The following CTNND2 variants were observed in gnomAD, a reference collection of about 807,000 sequenced individuals.
CTNND2 encodes the protein catenin delta-2.
A neutral mutation model predicts 144.4 loss-of-function variants in CTNND2; 22 were observed. That is an observed-to-expected ratio of 0.15 (90% CI 0.11 to 0.22). The LOEUF is 0.22. Ranked by LOEUF, CTNND2 falls within the 10% of genes least tolerant of loss-of-function variation. CTNND2 has a pLI of 1.00. For missense variants in CTNND2, 1,353 were observed against 1,618.8 expected (o/e 0.84, Z 2.82); for synonymous variants, 751 against 695.6 (o/e 1.08, Z -1.25).
chr5:11,433,208 T>G (rs888561851), intron 3 of CTNND2, among the ~76,000 whole-genome samples: 2 of 138,846 alleles, frequency 1.4e-5, no homozygotes, highest in African/African-American at 6.8e-5. Context: ...ATCACGCCAC[T>G]GCACTCCAGC....
At chr5:11,449,151 T>C (rs1260642600) in intron 3 of CTNND2, among the ~76,000 whole-genome samples, 1 of 152,230 alleles carries the variant, frequency 6.6e-6, no homozygotes, top group African/African-American at 2.4e-5. Flanking sequence ...TTATTTTTCT[T>C]GCTAATTATG....
intron 3 of CTNND2, among the ~76,000 whole-genome samples, chr5:11,560,285 A>G (rs990859115): frequency 1.3e-5 from 2 of 152,190 alleles, no homozygotes; most frequent in Non-Finnish European, 2.9e-5. Context: ...GGAGCAGTCC[A>G]TAGATAGATC....
At chr5:11,861,421 C>T (rs1795498992) in intron 1 of CTNND2, among the ~76,000 whole-genome samples, 1 of 152,202 alleles carries the variant, frequency 6.6e-6, no homozygotes, top group South Asian at 2.1e-4. Context: ...AGTTGCTATG[C>T]CAAAAACTGG....
chr5:11,859,502 T>C (rs1251675305), intron 1 of CTNND2, among the ~76,000 whole-genome samples: 1 of 152,010 alleles, frequency 6.6e-6, no homozygotes, highest in Admixed American at 6.5e-5. Flanking sequence ...ATGTATCATC[T>C]GGACCCCCTA....
intron 9 of CTNND2, among the ~76,000 whole-genome samples, chr5:11,290,837 T>C (rs943446127): frequency 2.6e-5 from 4 of 152,194 alleles, no homozygotes; most frequent in Non-Finnish European, 5.9e-5. Flanking sequence ...GTAACCTTCG[T>C]TGTTTATTTA....
intron 1 of CTNND2, among the ~76,000 whole-genome samples, chr5:11,824,359 G>A (rs1793492878): frequency 6.6e-6 from 1 of 152,130 alleles, no homozygotes; most frequent in Non-Finnish European, 1.5e-5. Flanking sequence ...AGGCATTAAA[G>A]GAGCGTCAGC....
chr5:11,572,089 C>T (rs940035870), intron 2 of CTNND2, among the ~76,000 whole-genome samples: 3 of 152,092 alleles, frequency 2.0e-5, no homozygotes, highest in Non-Finnish European at 4.4e-5. Flanking sequence ...CTTTATTTGG[C>T]AGTCAGATCA....
At chr5:11,850,384 T>C (rs1039274324) in intron 1 of CTNND2, among the ~76,000 whole-genome samples, 1 of 152,172 alleles carries the variant, frequency 6.6e-6, no homozygotes, top group Non-Finnish European at 1.5e-5. Context: ...AGGTAATAGG[T>C]AATAAAGTAG....
chr5:11,726,255 C>T (rs746137004), intron 2 of CTNND2, among the ~76,000 whole-genome samples: 1 of 151,996 alleles, frequency 6.6e-6, no homozygotes, highest in Non-Finnish European at 1.5e-5. Flanking sequence ...TTAAATAATT[C>T]ACAGTGAATC....
At chr5:11,677,663 A>G (rs1784236335) in intron 2 of CTNND2, among the ~76,000 whole-genome samples, 1 of 152,184 alleles carries the variant, frequency 6.6e-6, no homozygotes, top group Non-Finnish European at 1.5e-5. Flanking sequence ...CCCTTGAGTT[A>G]AAAAGGGTAC....
chr5:11,010,092 C>A lies in CTNND2; in HGVS notation c.3084+7882G>T, dbSNP rs1043654600. On this transcript the variant is annotated intron_variant, in intron 18 of 21. Transcript: ENST00000304623. Reference sequence around the variant, plus strand: ...GAACTTGAGGAGCTACAATTGCAAACCTTGTGGACACTAGCCTTGGGTTGT... The same window carrying A: ...GAACTTGAGGAGCTACAATTGCAAAACTTGTGGACACTAGCCTTGGGTTGT... 1.2e-4 allele frequency among the ~76,000 whole-genome samples: 19 copies of A among 152,326 alleles called. No homozygotes were observed. In the East Asian group the frequency reaches 3.3e-3, roughly 26 times the overall value.
intron 3 of CTNND2, among the ~76,000 whole-genome samples, chr5:11,444,841 G>C (rs1383534545): frequency 6.6e-6 from 1 of 152,224 alleles, no homozygotes; most frequent in East Asian, 1.9e-4. Context: ...CTTGAGCTGT[G>C]CTGAGGTCCT....
intron 1 of CTNND2, among the ~76,000 whole-genome samples, chr5:11,851,694 C>A (rs570430043): frequency 1.5e-4 from 23 of 152,304 alleles, no homozygotes; most frequent in Non-Finnish European, 2.5e-4. Context: ...GTTTGCTTGG[C>A]CTGTGTGCTG....
At chr5:11,229,622 T>G (rs1561056217) in intron 10 of CTNND2, among the ~76,000 whole-genome samples, 1 of 151,862 alleles carries the variant, frequency 6.6e-6, no homozygotes, top group Non-Finnish European at 1.5e-5. Flanking sequence ...AAGATACATA[T>G]TACCTTGAAT....
chr5:11,492,299 G>A lies in CTNND2; in HGVS notation c.287+72645C>T, dbSNP rs74360800. Among the ~76,000 whole-genome samples the A allele has an allele frequency of 1.2e-4, 19 of 152,250 alleles. 1 individual carries two copies. In the East Asian group the frequency reaches 2.1e-3, roughly 17 times the overall value. On this transcript the variant is annotated intron_variant, in intron 3 of 21. Transcript: ENST00000304623. ...AAGGAGCTTTTAGACTGGTGTTCTCGCCTTTACAAGATGGGCAACATTCTT... is the reference window on the plus strand; with the variant it reads ...AAGGAGCTTTTAGACTGGTGTTCTCACCTTTACAAGATGGGCAACATTCTT...
intron 2 of CTNND2, among the ~76,000 whole-genome samples, chr5:11,567,192 C>T (rs1777187110): frequency 1.3e-5 from 2 of 151,898 alleles, no homozygotes; most frequent in African/African-American, 4.8e-5. Context: ...GAGTCTCGCT[C>T]TGTCGTCCAG....
intron 3 of CTNND2, among the ~76,000 whole-genome samples, chr5:11,487,413 AT>A (rs989839659): frequency 2.0e-5 from 3 of 152,094 alleles, no homozygotes; most frequent in East Asian, 1.9e-4. Flanking sequence ...CCATATGGTC[AT>A]TTTTTTTAAC....
At chr5:11,376,539 A>G (rs1196096004) in intron 7 of CTNND2, among the ~76,000 whole-genome samples, 2 of 152,090 alleles carry the variant, frequency 1.3e-5, no homozygotes, top group African/African-American at 4.8e-5. Flanking sequence ...TCCACTGTGC[A>G]TTCTCGAGTT....
At chr5:11,368,040 A>G (rs1282124365) in intron 7 of CTNND2, among the ~76,000 whole-genome samples, 2 of 152,192 alleles carry the variant, frequency 1.3e-5, no homozygotes, top group African/African-American at 2.4e-5. Context: ...AGGCACTGGC[A>G]ATTTTTCATA....
Sources: gnomAD v4.1 joint callset for allele counts (sites outside exome capture counted in the v4.1 genomes callset) on GRCh38, gnomAD v4.1.1 for gene constraint, MANE v1.5 for transcripts, NCBI Gene and HGNC (gene_info 2026-07-23, HGNC 2026-07-21) for gene names.